Variants in RHPN2 observed in about 807,000 individuals in gnomAD.
RHPN2 encodes the protein rhophilin Rho GTPase binding protein 2.
In RHPN2, 40 loss-of-function variants were observed where a neutral mutation model predicts 79.0. The observed-to-expected ratio is 0.51, with a 90% confidence interval of 0.39 to 0.66. The LOEUF is 0.66. RHPN2 is among the 30% of genes least tolerant of loss of function. The pLI is 0.00. For missense variants in RHPN2, 686 were observed against 883.5 expected (o/e 0.78, Z 2.83); for synonymous variants, 285 against 363.5 (o/e 0.78, Z 2.46).
chr19:33,032,441 C>T (rs1398817610), intron 2 of RHPN2, among the ~76,000 whole-genome samples: 1 of 152,112 alleles, frequency 6.6e-6, no homozygotes, highest in Non-Finnish European at 1.5e-5. Context: ...CTGAAATTTC[C>T]AGCCCTCTCA....
chr19:33,054,523 T>C lies in RHPN2; in HGVS notation c.70-10159A>G, dbSNP rs1047893496. The stretch of plus-strand genomic sequence containing the variant: ...CCCCTTTTCTCTTGTTACAATCAAA[T>C]GGAAACCTGGCCATAGGGAACTCCG... On this transcript the variant is annotated intron_variant, in intron 1 of 14. Transcript: ENST00000254260. 5.3e-5 allele frequency among the ~76,000 whole-genome samples: 8 copies of C among 152,242 alleles called. No homozygotes were observed. In the South Asian group the frequency reaches 6.2e-4, roughly 12 times the overall value.
intron 8 of RHPN2, 76 bp downstream of exon 8, chr19:33,002,737 G>C (rs1450356666): frequency 6.6e-7 from 1 of 1,525,546 alleles, no homozygotes. Flanking sequence ...CCATGGGAAG[G>C]CCCCGCTACT....
chr19:33,051,599 T>C, intron 1 of RHPN2: 1 of 179,966 alleles, frequency 5.6e-6, no homozygotes, highest in South Asian at 1.1e-4. Context: ...CAACTAAATG[T>C]GTGCCCAGAG....
rs987829652 is a variant in RHPN2, at chr19:32,979,352, G to A, written c.*644C>T. 5 of 152,874 alleles carry A rather than the reference G, an allele frequency of 3.3e-5. No individual in the cohort carries two copies. The highest frequency in any genetic ancestry group is 9.7e-5 in the African/African-American group (4 of 41,436). 9.5% of individuals were successfully genotyped at this position (152,874 alleles called of 1,614,324 possible). On this transcript the variant is annotated 3_prime_UTR_variant, in exon 15 of 15. Coordinates refer to ENST00000254260, the MANE Select transcript of RHPN2 (RefSeq NM_033103.5). ...CATCTTCATCTAACACTGCCACTGT[G>A]TTAGTAATTCTTAAATGACATCAAA...
intron 9 of RHPN2, among the ~76,000 whole-genome samples, chr19:33,000,190 A>G (rs1971737801): frequency 6.7e-6 from 1 of 149,468 alleles, no homozygotes; most frequent in Admixed American, 6.7e-5. Flanking sequence ...GCTCTTGCTC[A>G]CTGGGACCAG....
intron 14 of RHPN2, among the ~76,000 whole-genome samples, chr19:32,981,427 C>A (rs185341538): frequency 2.8e-4 from 7 of 25,358 alleles, no homozygotes; most frequent in African/African-American, 4.9e-4. Context: ...AGGGGGGGGG[C>A]GGGGGGAAGG....
intron 1 of RHPN2, among the ~76,000 whole-genome samples, chr19:33,045,138 G>A (rs555045732): frequency 4.8e-5 from 7 of 147,066 alleles, no homozygotes; most frequent in African/African-American, 1.5e-4. Flanking sequence ...TGCAATCTCC[G>A]ACTCCTGGGT....
At chr19:33,044,028 C>T (rs934493641) in intron 2 of RHPN2, among the ~76,000 whole-genome samples, 2 of 152,154 alleles carry the variant, frequency 1.3e-5, no homozygotes, top group Non-Finnish European at 2.9e-5. Flanking sequence ...CCAAATGCCA[C>T]ACCGTCTGCA....
chr19:32,997,856 G>A (rs983901243), intron 10 of RHPN2, among the ~76,000 whole-genome samples: 77 of 152,348 alleles, frequency 5.1e-4, no homozygotes, highest in Admixed American at 1.2e-3. Flanking sequence ...AGCAGCAGGT[G>A]CGAGGGCCCT....
intron 2 of RHPN2, among the ~76,000 whole-genome samples, chr19:33,032,107 A>G (rs1289544766): frequency 2.6e-5 from 3 of 113,230 alleles, no homozygotes; most frequent in Non-Finnish European, 5.2e-5. Context: ...TGCAACCTCC[A>G]CCTCCCAGGT....
At chr19:33,007,048 A>G (rs1971797217) in intron 7 of RHPN2, among the ~76,000 whole-genome samples, 1 of 152,008 alleles carries the variant, frequency 6.6e-6, no homozygotes, top group Non-Finnish European at 1.5e-5. Flanking sequence ...ATCTCAAAAT[A>G]AACAAATAAA....
At chr19:33,048,926 G>C (rs1382458359) in intron 1 of RHPN2, among the ~76,000 whole-genome samples, 1 of 151,986 alleles carries the variant, frequency 6.6e-6, no homozygotes, top group Non-Finnish European at 1.5e-5. Flanking sequence ...CATTCCCAGA[G>C]CTCAGATAAG....
intron 4 of RHPN2, 69 bp from the exon 5 acceptor site, chr19:33,012,793 T>A (rs1235580133): frequency 2.3e-6 from 2 of 861,984 alleles, no homozygotes; most frequent in Admixed American, 1.8e-5. Context: ...AATAGTAATA[T>A]GTCAATTGTG....
Position 33,002,327 on chromosome 19 carries a change from G to C in RHPN2, c.1025C>G (p.Ala342Gly), listed in dbSNP as rs747735018. 6.2e-7 allele frequency: 1 copy of C among 1,613,968 alleles called. No homozygotes were observed. The change falls in exon 9 of 15, where the codon GCC (alanine) becomes GGC (glycine). Residue 342 changes from alanine to glycine, a missense_variant. Coordinates refer to ENST00000254260, the MANE Select transcript of RHPN2 (RefSeq NM_033103.5). The part of the protein sequence containing the change: ...PVKENIPYSW[A>G]SLACVKAHHY... ...GTGGGCCTTCACGCAGGCTAAGCTG[G>C]CCCAGGAGTAGGGGATGTTCTCTTT...
chr19:33,019,528 G>A (rs1395409743), intron 4 of RHPN2, among the ~76,000 whole-genome samples: 1 of 151,968 alleles, frequency 6.6e-6, no homozygotes, highest in East Asian at 1.9e-4. Context: ...GCGGTGAGCC[G>A]AGATCACGCC....
intron 4 of RHPN2, among the ~76,000 whole-genome samples, chr19:33,020,933 G>A (rs1217232214): frequency 1.3e-5 from 2 of 152,160 alleles, no homozygotes; most frequent in Non-Finnish European, 2.9e-5. Flanking sequence ...GAGTACACAG[G>A]AGTTTGCTAT....
intron 14 of RHPN2, among the ~76,000 whole-genome samples, chr19:32,984,244 G>A (rs1447477841): frequency 1.3e-5 from 2 of 152,150 alleles, no homozygotes; most frequent in East Asian, 1.9e-4. Context: ...TAGGCTAAAT[G>A]TTCTCTTTAT....
chr19:33,015,967 T>C, intron 4 of RHPN2, among the ~76,000 whole-genome samples: 1 of 152,026 alleles, frequency 6.6e-6, no homozygotes, highest in East Asian at 1.9e-4. Flanking sequence ...GGAGAATCAC[T>C]TGGACCTGGG....
At position 33,064,863 on chromosome 19, in the gene RHPN2, C is replaced by T; in HGVS notation, c.-11G>A. The T allele has an allele frequency of 2.7e-6, 4 of 1,492,790 alleles. No homozygotes were observed. Among genetic ancestry groups the T allele is most frequent in the Non-Finnish European group, 3.5e-6 (4 of 1,126,958 alleles). 92.5% of individuals were successfully genotyped at this position (1,492,790 alleles called of 1,614,324 possible). The stretch of plus-strand genomic sequence containing the variant: ...CAGCGCGTCGGTCATGCTAGCGGCG[C>T]GGGCGCGGAGGGCGGACGGCGGACT... On this transcript the variant is annotated 5_prime_UTR_variant, in exon 1 of 15. Transcript: ENST00000254260.
Sources: allele counts gnomAD v4.1 joint callset (sites outside exome capture counted in the v4.1 genomes callset), GRCh38; gene constraint gnomAD v4.1.1; transcripts MANE v1.5; gene names NCBI Gene and HGNC (gene_info 2026-07-23, HGNC 2026-07-21).